RUNDC3B: variants seen among roughly 807,000 people sequenced by gnomAD.
RUNDC3B encodes the protein RUN domain containing 3B.
RUNDC3B carries 33 observed loss-of-function variants against 58.4 expected under a neutral mutation model. The observed-to-expected ratio is 0.56, with a 90% CI of 0.43 to 0.75. RUNDC3B has a LOEUF of 0.75. Among genes scored for constraint, RUNDC3B ranks in the 30% least tolerant of loss-of-function variants. The pLI is 0.00. For synonymous variants in RUNDC3B, 193 were observed against 195.2 expected, an observed-to-expected ratio of 0.99 and a Z score of 0.10; for missense variants, 501 against 535.7, an observed-to-expected ratio of 0.94 and a Z score of 0.64.
chr7:87,699,359 A>C (rs905357065), intron 2 of RUNDC3B, among the ~76,000 whole-genome samples: 2 of 152,184 alleles, frequency 1.3e-5, no homozygotes, highest in African/African-American at 4.8e-5. Flanking sequence ...ACTTAAAAAT[A>C]CTGAGTGTAG....
chr7:87,672,632 A>T (rs114505607), intron 2 of RUNDC3B, among the ~76,000 whole-genome samples: 128 of 152,308 alleles, frequency 8.4e-4, no homozygotes, highest in African/African-American at 3.0e-3. Flanking sequence ...GTTTCCATGC[A>T]TGTCTGAGCA....
At chr7:87,808,027 C>G (rs892297448) in intron 9 of RUNDC3B, among the ~76,000 whole-genome samples, 13 of 151,976 alleles carry the variant, frequency 8.6e-5, no homozygotes, top group African/African-American at 3.1e-4. Context: ...TTACAGTATC[C>G]TAATGTTGAG....
intron 7 of RUNDC3B, among the ~76,000 whole-genome samples, chr7:87,776,915 T>C (rs969219879): frequency 6.6e-6 from 1 of 152,020 alleles, no homozygotes; most frequent in African/African-American, 2.4e-5. Context: ...TTAATAATCC[T>C]TAGAGGAATT....
At position 87,700,430 on chromosome 7, in the gene RUNDC3B, C is replaced by A; in HGVS notation, c.248C>A (p.Thr83Asn). Residue 83 changes from threonine to asparagine, a missense_variant, in exon 3 of 11, where the codon ACC (threonine) becomes AAC (asparagine). Coordinates refer to ENST00000394654, the MANE Select transcript of RUNDC3B (RefSeq NM_001134405.2). ...ILSHRLKGQV[T>N]WFGYESPRSF... is the part of the protein sequence containing the mutation. ...AATTTGTCTCCTGAAGGTCAAGTAACCTGGTTTGGTTATGAAAGTCCTCGT... is the reference window on the plus strand; with the variant it reads ...AATTTGTCTCCTGAAGGTCAAGTAAACTGGTTTGGTTATGAAAGTCCTCGT... The A allele has an allele frequency of 6.2e-7, 1 of 1,601,708 alleles. No individual in the cohort carries two copies. Among genetic ancestry groups the A allele is most frequent in the Non-Finnish European group, 8.5e-7 (1 of 1,176,140 alleles).
At chr7:87,750,952 C>T (rs1832944312) in intron 6 of RUNDC3B, among the ~76,000 whole-genome samples, 1 of 152,118 alleles carries the variant, frequency 6.6e-6, no homozygotes, top group Non-Finnish European at 1.5e-5. Flanking sequence ...GAAGTCCTTG[C>T]CCATGCCTAT....
chr7:87,659,987 T>C (rs899154917), intron 2 of RUNDC3B, among the ~76,000 whole-genome samples: 2 of 152,172 alleles, frequency 1.3e-5, no homozygotes, highest in Non-Finnish European at 2.9e-5. Flanking sequence ...TGTTTTAATC[T>C]ACTTTGCCAG....
At chr7:87,717,130 A>G (rs1473360924) in intron 4 of RUNDC3B, among the ~76,000 whole-genome samples, 1 of 152,112 alleles carries the variant, frequency 6.6e-6, no homozygotes, top group Non-Finnish European at 1.5e-5. Flanking sequence ...TTTTTAAATT[A>G]AACTCTTGGG....
At chr7:87,776,655 A>G (rs1020805608) in intron 7 of RUNDC3B, among the ~76,000 whole-genome samples, 5 of 152,050 alleles carry the variant, frequency 3.3e-5, no homozygotes, top group African/African-American at 4.8e-5. Flanking sequence ...ATGTTTATGA[A>G]TATATATTGT....
intron 4 of RUNDC3B, among the ~76,000 whole-genome samples, chr7:87,720,603 T>G (rs2130773681): frequency 6.6e-6 from 1 of 151,510 alleles, no homozygotes; most frequent in African/African-American, 2.4e-5. Context: ...TTCTTTTTTT[T>G]TTTCTTTTCT....
chr7:87,718,685 CA>C, intron 4 of RUNDC3B, among the ~76,000 whole-genome samples: 1 of 152,146 alleles, frequency 6.6e-6, no homozygotes, highest in East Asian at 1.9e-4. Context: ...AAAAAAAGTA[CA>C]AAATTGTTAA....
intron 2 of RUNDC3B, among the ~76,000 whole-genome samples, chr7:87,674,095 G>T (rs550552923): frequency 6.6e-6 from 1 of 152,282 alleles, no homozygotes; most frequent in Admixed American, 6.5e-5. Flanking sequence ...AAGGGCCAAG[G>T]TGTTTTCAGT....
chr7:87,823,697 A>C (rs1342623546), intron 10 of RUNDC3B, among the ~76,000 whole-genome samples: 3 of 151,978 alleles, frequency 2.0e-5, no homozygotes, highest in South Asian at 2.1e-4. Flanking sequence ...GAGTTACTTC[A>C]GTTAGAATAA....
intron 8 of RUNDC3B, among the ~76,000 whole-genome samples, chr7:87,806,273 C>G (rs1480092957): frequency 1.3e-5 from 2 of 152,124 alleles, no homozygotes; most frequent in Non-Finnish European, 2.9e-5. Flanking sequence ...ATAGTTACTC[C>G]ATTAGTATCA....
chr7:87,643,531 TGG>T (rs1822662561), intron 1 of RUNDC3B, among the ~76,000 whole-genome samples: 1 of 152,072 alleles, frequency 6.6e-6, no homozygotes, highest in Non-Finnish European at 1.5e-5. Flanking sequence ...TTTGGGTGTG[TGG>T]GTGCGGGGCA....
At chr7:87,657,607 C>T (rs147027943) in intron 2 of RUNDC3B, among the ~76,000 whole-genome samples, 6 of 152,226 alleles carry the variant, frequency 3.9e-5, no homozygotes, top group South Asian at 2.1e-4. Flanking sequence ...ACAATGTTGA[C>T]GGAACACCAC....
At chr7:87,817,612 T>A (rs1317497668) in intron 10 of RUNDC3B, among the ~76,000 whole-genome samples, 1 of 152,132 alleles carries the variant, frequency 6.6e-6, no homozygotes, top group Non-Finnish European at 1.5e-5. Flanking sequence ...TTAAGGCCTT[T>A]GCGTGGTAGA....
rs538203852 is a variant in RUNDC3B at position 87,630,533 on chromosome 7, C to T, written c.122+1588C>T. Reference sequence around the variant, plus strand: ...TGGAACCATAAGCAAGGCTGATTTTCTTAACCATAATATACAGACATCAAA... The same window carrying T: ...TGGAACCATAAGCAAGGCTGATTTTTTTAACCATAATATACAGACATCAAA... On this transcript the variant is annotated intron_variant, in intron 1 of 10. Transcript: ENST00000394654. Among the ~76,000 whole-genome samples, 51 of 152,098 alleles carry T rather than the reference C, an allele frequency of 3.4e-4. No individual in the cohort carries two copies. The South Asian group carries it at 0.01, about 31-fold the overall frequency.
chr7:87,804,965 T>C (rs1412233255), intron 8 of RUNDC3B, among the ~76,000 whole-genome samples: 1 of 152,156 alleles, frequency 6.6e-6, no homozygotes. Flanking sequence ...TGTTCTAGGG[T>C]AAGTGGTAGG....
chr7:87,679,249 C>T (rs538905793), intron 2 of RUNDC3B, among the ~76,000 whole-genome samples: 13 of 149,254 alleles, frequency 8.7e-5, no homozygotes, highest in South Asian at 2.1e-4. Context: ...CCCGCCACCA[C>T]GCCCGGGTAA....
Sources: allele counts gnomAD v4.1 joint callset (sites outside exome capture counted in the v4.1 genomes callset), GRCh38; gene constraint gnomAD v4.1.1; transcripts MANE v1.5; gene names NCBI Gene and HGNC (gene_info 2026-07-23, HGNC 2026-07-21).